Variants in ZNF841 observed in about 807,000 individuals in gnomAD.
The protein encoded by ZNF841 is zinc finger protein 841.
A neutral mutation model predicts 13.0 loss-of-function variants in ZNF841; 11 were observed. The ratio of observed to expected loss-of-function variants is 0.85; its 90% CI spans 0.53 to 1.40. The LOEUF (loss-of-function observed/expected upper bound fraction) is 1.40, where lower values mean the gene tolerates loss of function less well. ZNF841 is among the 40% of genes most tolerant of loss of function. The probability of loss-of-function intolerance (pLI) is 0.00; values close to 1 mark genes in which losing one functional copy is unlikely to be tolerated. For synonymous variants in ZNF841, 369 were observed against 381.6 expected, an observed-to-expected ratio of 0.97 and a Z score of 0.38; for missense variants, 1,068 against 1,139.5, an observed-to-expected ratio of 0.94 and a Z score of 0.90.
In ZNF841 at chr19:52,076,088, G is replaced by A. The variant is rs759157906; in HGVS notation, c.227C>T (p.Ala76Val). The A allele has an allele frequency of 5.8e-6, 9 of 1,553,692 alleles. No homozygotes were observed. The highest frequency in any genetic ancestry group is 2.4e-5 in the South Asian group (2 of 84,208). Residue 76 changes from alanine to valine, a missense_variant, in exon 6 of 7, where the codon GCG (alanine) becomes GTG (valine). Physicochemically the swap from Ala to Val is moderately conservative, Grantham distance 64. Transcript: ENST00000594440. ...GCATTCCCCACAGTTTGGGTTCCTCGCTATTTTCACTTGGCTCACCACAGT... is the reference window on the plus strand; with the variant it reads ...GCATTCCCCACAGTTTGGGTTCCTCACTATTTTCACTTGGCTCACCACAGT... Reference protein sequence around the residue: ...PWTVVSQVKIARNPNCGECMK... With the variant: ...PWTVVSQVKIVRNPNCGECMK...
intron 4 of ZNF841, among the ~76,000 whole-genome samples, chr19:52,083,421 T>A (rs2088163692): frequency 7.1e-6 from 1 of 140,640 alleles, no homozygotes; most frequent in Non-Finnish European, 1.5e-5. Context: ...CATGTCCCAC[T>A]CTTTAAAAAA....
chr19:52,071,969 CA>C (rs767226247), intron 6 of ZNF841, among the ~76,000 whole-genome samples: 26 of 152,096 alleles, frequency 1.7e-4, no homozygotes, highest in Non-Finnish European at 3.1e-4. Flanking sequence ...CATTTTAATT[CA>C]AAGGACACAC....
chr19:52,085,886 A>C (rs1429548778), intron 3 of ZNF841, among the ~76,000 whole-genome samples: 1 of 152,220 alleles, frequency 6.6e-6, no homozygotes, highest in African/African-American at 2.4e-5. Context: ...TTTTTAAGTA[A>C]ACATAACTTT....
rs1462920700 is a variant in ZNF841 at position 52,067,379 on chromosome 19, A to G, written c.503T>C (p.Val168Ala). 6.5e-7 allele frequency: 1 copy of G among 1,547,864 alleles called. No individual in the cohort carries two copies. Among genetic ancestry groups the G allele is most frequent in the Non-Finnish European group, 8.7e-7 (1 of 1,145,570 alleles). ...TTCTACGTCCCCTTGACTATGTCGA[A>G]CTCTTTGACCAGTAAGATTGTTTTT... ...THKNNLTGQR[V>A]RHSQGDVENK... The change falls in exon 7 of 7, where the codon GTT becomes GCT. Residue 168 changes from valine (V) to alanine (A), a missense_variant. By Grantham distance (64) the Val-to-Ala change is moderately conservative. Transcript: ENST00000594440.
chr19:52,083,756 G>T (rs1214109373), intron 4 of ZNF841, among the ~76,000 whole-genome samples: 1 of 140,048 alleles, frequency 7.1e-6, no homozygotes, highest in African/African-American at 2.9e-5. Flanking sequence ...ATATAGCAAG[G>T]TATAGATAGT....
At chr19:52,093,490 G>A (rs1226440290) in intron 2 of ZNF841, among the ~76,000 whole-genome samples, 4 of 152,134 alleles carry the variant, frequency 2.6e-5, no homozygotes, top group Admixed American at 2.6e-4. Context: ...GTTGGTTAAA[G>A]GGTACAAATT....
At chr19:52,071,886 AC>A (rs1436479852) in intron 6 of ZNF841, among the ~76,000 whole-genome samples, 39 of 152,242 alleles carry the variant, frequency 2.6e-4, no homozygotes, top group Admixed American at 2.6e-3. Context: ...TTTATACTCC[AC>A]AGTCAAAAGA....
In ZNF841 at chr19:52,065,311, C is replaced by T. The variant is rs374222381; in HGVS notation, c.2571G>A (p.Ala857=). The change falls in exon 7 of 7, where the codon GCG becomes GCA. Residue 857 remains alanine (A), a synonymous_variant. Transcript: ENST00000594440. ...TAGTGAGGCAAGACCGCCGCCCAAA[C>T]GCCTTGCCACATTCCATACATTTGT... is the stretch of plus-strand genomic sequence containing the variant. The part of the protein sequence containing the change: ...KPYKCMECGK[A]FGRRSCLTKH... The T allele has an allele frequency of 6.3e-5, 101 of 1,611,786 alleles. No homozygotes were observed. Among genetic ancestry groups the T allele is most frequent in the African/African-American group, 1.2e-4 (9 of 74,890 alleles).
the ZNF841 span, chr19:52,058,653 T>C: frequency 6.5e-6 from 1 of 152,798 alleles, no homozygotes; most frequent in African/African-American, 2.4e-5. Flanking sequence ...TCCGAAATAC[T>C]GCTTAGACAA....
chr19:52,090,661 A>AAGAG (rs2088450506), intron 2 of ZNF841, among the ~76,000 whole-genome samples: 1 of 126,598 alleles, frequency 7.9e-6, no homozygotes, highest in Non-Finnish European at 1.7e-5. Flanking sequence ...GAAGGAAAGA[A>AAGAG]AGAAAGAAAG....
In ZNF841 at chr19:52,066,554, TG is replaced by T. The variant is rs1248076213; in HGVS notation, c.1327del (p.Gln443AsnfsTer3). 1 of 1,613,648 alleles carries T rather than the reference TG, an allele frequency of 6.2e-7. No individual in the cohort carries two copies. Among genetic ancestry groups the T allele is most frequent in the Non-Finnish European group, 8.5e-7 (1 of 1,179,760 alleles). On this transcript the variant is annotated frameshift_variant, in exon 7 of 7. Transcript: ENST00000594440. LOFTEE classifies it low-confidence loss of function (END_TRUNC). ...ATGAATTATCTGGTGCCTTACAAGT[TG>T]TGAATTCTGATAAAAGACCTTGCCA... ...VCGKVFYQNSQLVRHQIIHTG... is the reference protein window; with the variant it reads ...VCGKVFYQNSXLVRHQIIHTG...
At chr19:52,080,531 G>A (rs374810507) in intron 4 of ZNF841, among the ~76,000 whole-genome samples, 1 of 152,318 alleles carries the variant, frequency 6.6e-6, no homozygotes, top group East Asian at 1.9e-4. Flanking sequence ...CTTTTCAGAT[G>A]ACCAACTGAT....
chr19:52,077,774 AAG>A (rs2087952963), intron 4 of ZNF841, among the ~76,000 whole-genome samples: 1 of 152,218 alleles, frequency 6.6e-6, no homozygotes, highest in African/African-American at 2.4e-5. Context: ...ATAACGAAAT[AAG>A]AGAGACTAAC....
chr19:52,080,787 A>C (rs1237634541), intron 4 of ZNF841, among the ~76,000 whole-genome samples: 3 of 152,228 alleles, frequency 2.0e-5, no homozygotes, highest in African/African-American at 7.2e-5. Context: ...GCAAAGGCCC[A>C]GAGAGGACAA....
At chr19:52,081,302 T>A (rs2088090937) in intron 4 of ZNF841, among the ~76,000 whole-genome samples, 1 of 152,228 alleles carries the variant, frequency 6.6e-6, no homozygotes, top group Non-Finnish European at 1.5e-5. Flanking sequence ...CCATACGTGT[T>A]CAACACAGAT....
At chr19:52,063,869 T>G (rs2087446924), downstream of ZNF841, among the ~76,000 whole-genome samples, 1 of 152,184 alleles carries the variant, frequency 6.6e-6, no homozygotes, top group African/African-American at 2.4e-5. Flanking sequence ...AACTCTCAAG[T>G]AGTGACTGAA....
Position 52,066,736 on chromosome 19 carries a change from A to T in ZNF841, c.1146T>A (p.Phe382Leu). The T allele has an allele frequency of 6.2e-7, 1 of 1,611,496 alleles. No individual in the cohort carries two copies. Among genetic ancestry groups the T allele is most frequent in the Non-Finnish European group, 8.5e-7 (1 of 1,178,584 alleles). ...GAGTTGCAAGAGAGGAACTTTGACT[A>T]AAGCACTTCCCACATCGATTACATT... ...PYKCNRCGKC[F>L]SQSSSLATHQ... The change falls in exon 7 of 7, where the codon TTT becomes TTA. Residue 382 changes from phenylalanine (F) to leucine (L), a missense_variant. Phe to Leu is a conservative substitution (Grantham distance 22). Transcript: ENST00000594440.
At chr19:52,076,888 GA>G in intron 5 of ZNF841, 69 bp downstream of exon 5, 1 of 1,575,472 alleles carries the variant, frequency 6.3e-7, no homozygotes, top group Non-Finnish European at 8.7e-7. Context: ...GGCCTCACAA[GA>G]AACACAATAA....
At chr19:52,089,034 C>T (rs1042879328) in intron 2 of ZNF841, 32 bp from the exon 3 acceptor site, 16 of 152,226 alleles carry the variant, frequency 1.1e-4, no homozygotes, top group African/African-American at 3.4e-4. Context: ...GAAGCCGTCA[C>T]TGCAGCTACA....
Sources: allele counts gnomAD v4.1 joint callset (sites outside exome capture counted in the v4.1 genomes callset), GRCh38; gene constraint gnomAD v4.1.1; transcripts MANE v1.5; gene names NCBI Gene and HGNC (gene_info 2026-07-23, HGNC 2026-07-21).